The following OTUD4 variants were observed in gnomAD, a reference collection of about 807,000 sequenced individuals.
The protein encoded by OTUD4 is OTU domain-containing protein 4.
OTUD4 carries 24 observed loss-of-function variants against 130.4 expected under a neutral mutation model. The observed-to-expected ratio is 0.18, with a 90% confidence interval of 0.13 to 0.26. The LOEUF is 0.26. Among genes scored for constraint, OTUD4 ranks in the 10% least tolerant of loss-of-function variants. The probability of loss-of-function intolerance (pLI) is 1.00; values close to 1 mark genes in which losing one functional copy is unlikely to be tolerated. For synonymous variants in OTUD4, 420 were observed against 472.5 expected (o/e 0.89, Z 1.44); for missense variants, 1,031 against 1,329.4 (o/e 0.78, Z 3.49).
chr4:145,145,844 C>G (rs1332635263), intron 14 of OTUD4, among the ~76,000 whole-genome samples: 1 of 152,192 alleles, frequency 6.6e-6, no homozygotes, highest in African/African-American at 2.4e-5. Context: ...AGGACAAAGC[C>G]ACAGGATGAC....
intron 3 of OTUD4, chr4:145,170,763 C>G (rs988130495): frequency 1.3e-5 from 2 of 152,246 alleles, no homozygotes; most frequent in African/African-American, 4.8e-5. Context: ...TACTCCTTAA[C>G]TCTTCTTAGC....
At chr4:145,152,734 T>G (rs1751122876) in intron 10 of OTUD4, 99 bp from the exon 11 acceptor site, 1 of 665,366 alleles carries the variant, frequency 1.5e-6, no homozygotes, top group African/African-American at 1.8e-5. Flanking sequence ...TTTTTTTTCT[T>G]GAGACAGGGT....
intron 14 of OTUD4, among the ~76,000 whole-genome samples, chr4:145,145,266 G>C (rs1310878836): frequency 6.6e-6 from 1 of 152,294 alleles, no homozygotes; most frequent in South Asian, 2.1e-4. Flanking sequence ...TGACATGAGA[G>C]ATAAATGTAC....
intron 11 of OTUD4, among the ~76,000 whole-genome samples, chr4:145,152,100 T>C (rs1486330232): frequency 1.3e-5 from 2 of 152,188 alleles, no homozygotes; most frequent in African/African-American, 4.8e-5. Flanking sequence ...ATTTAGTGCT[T>C]TTCTAGAGGT....
intron 1 of OTUD4, chr4:145,178,274 T>A (rs1045535259): frequency 1.3e-5 from 2 of 152,206 alleles, no homozygotes; most frequent in African/African-American, 2.4e-5. Flanking sequence ...GGCACACCCT[T>A]CTGCTTCAAT....
Position 145,180,006 on chromosome 4 carries a change from A to C in OTUD4, c.-33T>G, listed in dbSNP as rs1299344743. On this transcript the variant is annotated 5_prime_UTR_variant, in exon 1 of 21. Transcript: ENST00000447906. Reference sequence around the variant, plus strand: ...GTCCTGCTGCAGGCCAGGCGCGGCGAGGGCTAGCCCCACATGGCCAGGCCG... The same window carrying C: ...GTCCTGCTGCAGGCCAGGCGCGGCGCGGGCTAGCCCCACATGGCCAGGCCG... 1 of 1,446,218 alleles carries C rather than the reference A, an allele frequency of 6.9e-7. No homozygotes were observed. Among genetic ancestry groups the C allele is most frequent in the Non-Finnish European group, 9.0e-7 (1 of 1,110,938 alleles). The allele number at this position is 1,446,218 out of a possible 1,614,324, so 89.6% of individuals were successfully genotyped here. A position where few individuals can be genotyped will look rare whatever the true frequency, so the allele number is the denominator to read the frequency against.
intron 2 of OTUD4, among the ~76,000 whole-genome samples, chr4:145,174,323 T>C (rs1752321634): frequency 6.6e-6 from 1 of 152,156 alleles, no homozygotes; most frequent in African/African-American, 2.4e-5. Context: ...GAAACCACTA[T>C]TAATCACAAC....
At chr4:145,151,943 A>G (rs1374334142) in intron 11 of OTUD4, among the ~76,000 whole-genome samples, 3 of 152,232 alleles carry the variant, frequency 2.0e-5, no homozygotes, top group African/African-American at 7.2e-5. Flanking sequence ...GAATGAATTT[A>G]AAATGAATCC....
Position 145,137,602 on chromosome 4 carries a change from T to G in OTUD4, c.3173A>C (p.Tyr1058Ser). 2 of 1,613,592 alleles carry G rather than the reference T, an allele frequency of 1.2e-6. No homozygotes were observed. The highest frequency in any genetic ancestry group is 1.7e-4 in the Middle Eastern group (1 of 6,060). ...ATGTTGATATCCACCCCTACCAGAA[T>G]AGCCCCAATCACTTTTGTACTTCCT... Reference protein sequence around the residue: ...GSRKYKSDWGYSGRGGYQHVR... With the variant: ...GSRKYKSDWGSSGRGGYQHVR... The change falls in exon 21 of 21, where the codon TAT (tyrosine) becomes TCT (serine). Residue 1058 changes from tyrosine to serine, a missense_variant. Tyr to Ser is a moderately radical substitution (Grantham distance 144). Coordinates refer to ENST00000447906, the MANE Select transcript of OTUD4 (RefSeq NM_001366057.1).
intron 1 of OTUD4, among the ~76,000 whole-genome samples, chr4:145,176,035 T>C (rs1183457937): frequency 6.8e-6 from 1 of 147,192 alleles, no homozygotes; most frequent in Non-Finnish European, 1.5e-5. Flanking sequence ...CTAATTTTTC[T>C]TTCTTTCTTT....
At chr4:145,157,701 A>G (rs1053062701) in intron 7 of OTUD4, among the ~76,000 whole-genome samples, 4 of 151,184 alleles carry the variant, frequency 2.6e-5, no homozygotes, top group Admixed American at 6.6e-5. Context: ...AAAAAAAAAA[A>G]AAAAAAGAAA....
intron 3 of OTUD4, among the ~76,000 whole-genome samples, chr4:145,166,681 A>T (rs1751893505): frequency 6.6e-6 from 1 of 152,164 alleles, no homozygotes; most frequent in South Asian, 2.1e-4. Flanking sequence ...CTCTACTAAA[A>T]ATACAAAACA....
chr4:145,148,414 G>A (rs954946943), intron 13 of OTUD4, among the ~76,000 whole-genome samples: 3 of 151,828 alleles, frequency 2.0e-5, no homozygotes, highest in African/African-American at 4.8e-5. Context: ...CATGGGAATC[G>A]CTTGAACCTG....
chr4:145,167,012 C>T (rs1229841387), intron 3 of OTUD4, among the ~76,000 whole-genome samples: 1 of 152,126 alleles, frequency 6.6e-6, no homozygotes, highest in East Asian at 1.9e-4. Flanking sequence ...TATATTGGTA[C>T]ATGTGCACAC....
Position 145,140,286 on chromosome 4 carries a change from C to T in OTUD4, c.2084-295G>A, listed in dbSNP as rs367576706. 8.9e-4 allele frequency among the ~76,000 whole-genome samples: 136 copies of T among 152,234 alleles called. 1 individual carries two copies. In the South Asian group the frequency reaches 0.028, roughly 31 times the overall value. On this transcript the variant is annotated intron_variant, in intron 19 of 20. Transcript: ENST00000447906. Reference sequence around the variant, plus strand: ...ATCTGGGTAAAGGACATTCAGGTGGCTTTCTTTCTCAACTTTTCTGGGGGT... The same window carrying T: ...ATCTGGGTAAAGGACATTCAGGTGGTTTTCTTTCTCAACTTTTCTGGGGGT...
At position 145,179,928 on chromosome 4, in the gene OTUD4, C is replaced by T. The variant is rs1336239180; in HGVS notation, c.46G>A (p.Ala16Thr). ...GGCGTCGCGTCCTCGCGGGGCCCCGCGCCGCCCTGGTCCCCGCCGTCGGGG... is the reference window on the plus strand; with the variant it reads ...GGCGTCGCGTCCTCGCGGGGCCCCGTGCCGCCCTGGTCCCCGCCGTCGGGG... ...GVPDGGDQGG[A>T]GPREDATPMD... Residue 16 changes from alanine (A) to threonine (T), a missense_variant, in exon 1 of 21, where the codon GCG (alanine) becomes ACG (threonine). By Grantham distance (58) the Ala-to-Thr change is moderately conservative (BLOSUM62 0). Around this residue, in one of 3 missense-constraint regions of OTUD4, gnomAD observed 54 missense variants for 60.6 expected, o/e 0.89. Coordinates refer to ENST00000447906, the MANE Select transcript of OTUD4 (RefSeq NM_001366057.1). 6.5e-7 allele frequency: 1 copy of T among 1,527,128 alleles called. No homozygotes were observed. The highest frequency in any genetic ancestry group is 2.5e-5 in the East Asian group (1 of 40,024). The allele number at this position is 1,527,128 out of a possible 1,614,324, so 94.6% of individuals were successfully genotyped here. A position where few individuals can be genotyped will look rare whatever the true frequency, so the allele number is the denominator to read the frequency against.
At chr4:145,161,575 CAGA>C (rs1179184975) in intron 6 of OTUD4, among the ~76,000 whole-genome samples, 4 of 152,246 alleles carry the variant, frequency 2.6e-5, no homozygotes, top group South Asian at 2.1e-4. Flanking sequence ...AATTCTCACA[CAGA>C]AGAAGGGCAA....
chr4:145,168,307 G>A (rs993646363), intron 3 of OTUD4, among the ~76,000 whole-genome samples: 1 of 151,160 alleles, frequency 6.6e-6, no homozygotes, highest in Non-Finnish European at 1.5e-5. Flanking sequence ...TTGAACTCGG[G>A]AGGCAGAGGT....
At chr4:145,144,257 C>T in intron 15 of OTUD4, 54 bp downstream of exon 15, 1 of 1,560,458 alleles carries the variant, frequency 6.4e-7, no homozygotes, top group Non-Finnish European at 8.7e-7. Context: ...TGACATTAAG[C>T]CAGTCATCTA....
Sources: gnomAD v4.1 joint callset for allele counts (sites outside exome capture counted in the v4.1 genomes callset) on GRCh38, gnomAD v4.1.1 for gene constraint, gnomAD v4.1.1 regional missense constraint, MANE v1.5 for transcripts, NCBI Gene and HGNC (gene_info 2026-07-23, HGNC 2026-07-21) for gene names.